Variants in FOXP1 observed in about 807,000 individuals in gnomAD.
FOXP1 encodes the protein forkhead box protein P1.
FOXP1 carries 15 observed loss-of-function variants against 98.2 expected under a neutral mutation model. That is an observed-to-expected ratio of 0.15 (90% CI 0.10 to 0.24). The LOEUF (loss-of-function observed/expected upper bound fraction) is 0.24. Among genes scored for constraint, FOXP1 ranks in the 10% least tolerant of loss-of-function variants. The pLI, the probability that FOXP1 is intolerant of heterozygous loss-of-function variation, is 1.00. For missense variants in FOXP1, 633 were observed against 848.5 expected (o/e 0.75, Z 3.15); for synonymous variants, 371 against 314.5 (o/e 1.18, Z -1.90).
At chr3:71,095,492 G>C (rs2056369820) in intron 7 of FOXP1, among the ~76,000 whole-genome samples, 1 of 152,164 alleles carries the variant, frequency 6.6e-6, no homozygotes, top group Admixed American at 6.5e-5. Flanking sequence ...AGAGGTAAGA[G>C]GCCCAGTTGG....
At position 71,369,640 on chromosome 3, in the gene FOXP1, G is replaced by A. The variant is rs976243311; in HGVS notation, c.-167-10396C>T. 1.8e-4 allele frequency among the ~76,000 whole-genome samples: 28 copies of A among 152,160 alleles called. 1 individual carries two copies. Among genetic ancestry groups the A allele is most frequent in the South Asian group, 8.3e-4 (4 of 4,810 alleles). On this transcript the variant is annotated intron_variant, in intron 3 of 20. Transcript: ENST00000649528. ...GAACTCCTAACCTCGTGATCCGCCCGCCTCAGTCTCCCAAAGTGCTAGGAT... is the reference window on the plus strand; with the variant it reads ...GAACTCCTAACCTCGTGATCCGCCCACCTCAGTCTCCCAAAGTGCTAGGAT...
rs1560424164 is a variant in FOXP1 at position 71,396,953 on chromosome 3, T to TATATATATATACAC, written c.-167-37710_-167-37709insGTGTATATATATAT. On this transcript the variant is annotated intron_variant, in intron 3 of 20. Coordinates refer to ENST00000649528, the MANE Select transcript of FOXP1 (RefSeq NM_001349338.3). Reference sequence around the variant, plus strand: ...ATATATACACATATATATATGTGTATATATATATATGTGTGTATATATATA... The same window carrying TATATATATATACAC: ...ATATATACACATATATATATGTGTATATATATATATACACATATATATATGTGTGTATATATATA... Among the ~76,000 whole-genome samples, 300 of 52,954 alleles carry TATATATATATACAC rather than the reference T, an allele frequency of 5.7e-3. 72 individuals carry two copies. Among genetic ancestry groups the TATATATATATACAC allele is most frequent in the Non-Finnish European group, 8.5e-3 (194 of 22,782 alleles). The allele number at this position is 52,954 out of a possible 152,430, so 34.7% of individuals were successfully genotyped here.
chr3:71,250,353 G>C (rs113670327), intron 5 of FOXP1, among the ~76,000 whole-genome samples: 2,052 of 152,298 alleles, frequency 0.013, 26 homozygotes, highest in Non-Finnish European at 0.023. Flanking sequence ...ATCCAATAGG[G>C]TAGCCAATAG....
intron 20 of FOXP1, 115 bp from the exon 21 acceptor site, chr3:70,959,506 A>G: frequency 8.7e-7 from 1 of 1,144,736 alleles, no homozygotes; most frequent in South Asian, 1.3e-5. Context: ...AACTCTGTCC[A>G]GTATTGTTAC....
At chr3:71,218,487 G>A (rs1234853211) in intron 5 of FOXP1, among the ~76,000 whole-genome samples, 1 of 152,084 alleles carries the variant, frequency 6.6e-6, no homozygotes, top group East Asian at 1.9e-4. Context: ...TTTTTAATGA[G>A]CATCCCCTTC....
At chr3:71,304,062 T>G (rs2074073644) in intron 4 of FOXP1, among the ~76,000 whole-genome samples, 1 of 152,184 alleles carries the variant, frequency 6.6e-6, no homozygotes, top group Non-Finnish European at 1.5e-5. Flanking sequence ...ACATTTTACT[T>G]CCTTTCTCCT....
chr3:71,566,478 T>C (rs569140998), intron 2 of FOXP1, among the ~76,000 whole-genome samples: 27 of 152,302 alleles, frequency 1.8e-4, no homozygotes, highest in Admixed American at 2.0e-4. Context: ...TGTAGTCTAA[T>C]GTTTGACCCA....
intron 11 of FOXP1, among the ~76,000 whole-genome samples, 165 bp downstream of exon 11, chr3:71,041,163 T>C (rs1315063760): frequency 6.6e-6 from 1 of 152,172 alleles, no homozygotes; most frequent in Non-Finnish European, 1.5e-5. Context: ...TGAAAATAAT[T>C]AGATGCTTCA....
intron 4 of FOXP1, among the ~76,000 whole-genome samples, chr3:71,357,948 T>C (rs2078276962): frequency 6.6e-6 from 1 of 151,996 alleles, no homozygotes; most frequent in African/African-American, 2.4e-5. Context: ...CAATTTTCTC[T>C]GAGGGAAAAA....
intron 2 of FOXP1, among the ~76,000 whole-genome samples, chr3:71,554,888 A>C (rs2046017622): frequency 6.6e-6 from 1 of 152,214 alleles, no homozygotes; most frequent in African/African-American, 2.4e-5. Context: ...TGATTTGTAT[A>C]TGCTTGGTGA....
At chr3:71,235,917 C>T (rs2066732520) in intron 5 of FOXP1, among the ~76,000 whole-genome samples, 1 of 152,172 alleles carries the variant, frequency 6.6e-6, no homozygotes, top group Non-Finnish European at 1.5e-5. Flanking sequence ...AAGGTAAATT[C>T]TGTACTAGGT....
intron 3 of FOXP1, among the ~76,000 whole-genome samples, chr3:71,371,668 G>A (rs1420743279): frequency 1.3e-5 from 2 of 152,146 alleles, no homozygotes; most frequent in Non-Finnish European, 2.9e-5. Context: ...ACCCACCTGT[G>A]GTCCTAGCTG....
chr3:71,275,837 C>A (rs559925797), intron 5 of FOXP1, among the ~76,000 whole-genome samples: 1 of 152,218 alleles, frequency 6.6e-6, no homozygotes, highest in East Asian at 1.9e-4. Flanking sequence ...ATCCCTTCTT[C>A]GTTTTTTTGT....
At chr3:71,501,844 C>T (rs1458187223) in intron 2 of FOXP1, among the ~76,000 whole-genome samples, 1 of 152,246 alleles carries the variant, frequency 6.6e-6, no homozygotes, top group South Asian at 2.1e-4. Context: ...TACCCAGTGC[C>T]CTGAAAACCC....
chr3:71,400,501 G>A (rs2081888270), intron 3 of FOXP1, among the ~76,000 whole-genome samples: 1 of 151,996 alleles, frequency 6.6e-6, no homozygotes, highest in African/African-American at 2.4e-5. Context: ...GGGATTACAG[G>A]CACGAGCCAC....
rs10575337 is a variant in FOXP1 at position 71,325,649 on chromosome 3, G to GTATTATTAT, written c.-72-25778_-72-25770dup. On this transcript the variant is annotated intron_variant, in intron 4 of 20. Transcript: ENST00000649528. ...GCCTATAAAGAAATCTCCTACAAAT[G>GTATTATTAT]TATTATTATTATTATTATTATTATT... is the stretch of plus-strand genomic sequence containing the variant. 1.1e-4 allele frequency among the ~76,000 whole-genome samples: 17 copies of GTATTATTAT among 148,094 alleles called. 1 individual carries two copies. In the East Asian group the frequency reaches 1.2e-3, roughly 10 times the overall value.
At chr3:71,233,282 A>T (rs889565847) in intron 5 of FOXP1, among the ~76,000 whole-genome samples, 1 of 151,194 alleles carries the variant, frequency 6.6e-6, no homozygotes, top group Non-Finnish European at 1.5e-5. Context: ...AGGGGAGGGA[A>T]GGGAAATGGT....
chr3:71,461,286 G>T (rs2088072909), intron 3 of FOXP1, among the ~76,000 whole-genome samples: 1 of 152,198 alleles, frequency 6.6e-6, no homozygotes, highest in African/African-American at 2.4e-5. Flanking sequence ...GTGGGTTGAT[G>T]ATCTTATTCT....
chr3:71,476,515 T>C (rs1230734296), intron 3 of FOXP1, among the ~76,000 whole-genome samples: 1 of 152,100 alleles, frequency 6.6e-6, no homozygotes, highest in Non-Finnish European at 1.5e-5. Flanking sequence ...CCTCGGGTTA[T>C]GGGTAAAATT....
Sources: gnomAD v4.1 joint callset for allele counts (sites outside exome capture counted in the v4.1 genomes callset) on GRCh38, gnomAD v4.1.1 for gene constraint, MANE v1.5 for transcripts, NCBI Gene and HGNC (gene_info 2026-07-23, HGNC 2026-07-21) for gene names.